The following ADAMTSL1 variants were observed in gnomAD, a reference collection of about 807,000 sequenced individuals.
ADAMTSL1 encodes ADAMTS-like protein 1.
In ADAMTSL1, 126 loss-of-function variants were observed where a neutral mutation model predicts 201.8. The observed-to-expected ratio is 0.62, with a 90% CI of 0.54 to 0.72. The LOEUF is 0.72. Among genes scored for constraint, ADAMTSL1 ranks in the 30% least tolerant of loss-of-function variants. ADAMTSL1 has a pLI of 0.00. For synonymous variants in ADAMTSL1, 1,121 were observed against 903.4 expected (o/e 1.24, Z -4.32); for missense variants, 2,679 against 2,277.8 (o/e 1.18, Z -3.59).
chr9:18,770,369 A>G (rs1306383142), intron 16 of ADAMTSL1, among the ~76,000 whole-genome samples: 2 of 152,214 alleles, frequency 1.3e-5, no homozygotes, highest in African/African-American at 4.8e-5. Flanking sequence ...GGCCCCAGAA[A>G]TTCCTGGATG....
At chr9:18,319,887 T>C (rs147005268) in intron 2 of ADAMTSL1, among the ~76,000 whole-genome samples, 1 of 152,182 alleles carries the variant, frequency 6.6e-6, no homozygotes, top group Admixed American at 6.5e-5. Flanking sequence ...GAGGTTATTC[T>C]AGATTATCCT....
At chr9:18,717,559 G>A (rs1384331389) in intron 14 of ADAMTSL1, among the ~76,000 whole-genome samples, 1 of 152,038 alleles carries the variant, frequency 6.6e-6, no homozygotes, top group East Asian at 1.9e-4. Flanking sequence ...GTCTACATAG[G>A]AGCTCTTTGG....
At chr9:18,427,471 A>T (rs147600650) in intron 2 of ADAMTSL1, among the ~76,000 whole-genome samples, 24 of 152,382 alleles carry the variant, frequency 1.6e-4, no homozygotes, top group African/African-American at 5.3e-4. Flanking sequence ...ATTATAAGTC[A>T]CCATAAACAG....
intron 20 of ADAMTSL1, among the ~76,000 whole-genome samples, chr9:18,809,093 T>A (rs943201704): frequency 6.6e-6 from 1 of 152,184 alleles, no homozygotes; most frequent in African/African-American, 2.4e-5. Context: ...TTATCAAAAT[T>A]ACATAATGAA....
intron 13 of ADAMTSL1, among the ~76,000 whole-genome samples, chr9:18,698,075 A>C (rs1352440361): frequency 1.3e-5 from 2 of 152,232 alleles, no homozygotes; most frequent in Non-Finnish European, 2.9e-5. Context: ...TAAAGCACTT[A>C]GAGTAGTGCC....
At chr9:17,918,935 C>T (rs761664111) in intron 1 of ADAMTSL1, among the ~76,000 whole-genome samples, 4 of 151,816 alleles carry the variant, frequency 2.6e-5, no homozygotes, top group African/African-American at 4.8e-5. Context: ...CCTTCTCTAT[C>T]CCTAGTAATG....
intron 2 of ADAMTSL1, among the ~76,000 whole-genome samples, chr9:18,288,824 A>C (rs1833130619): frequency 6.6e-6 from 1 of 152,232 alleles, no homozygotes; most frequent in African/African-American, 2.4e-5. Context: ...AGAAACAAAG[A>C]GTATGATCTA....
Position 18,599,986 on chromosome 9 carries a change from A to G in ADAMTSL1, c.475-22257A>G, listed in dbSNP as rs546754387. On this transcript the variant is annotated intron_variant, in intron 4 of 28. Transcript: ENST00000380548. ...GCTAACATGGTGAAACCTCGTCTCT[A>G]CTAAAAATACAAAAAAAAAAAAAAA... 9.5e-4 allele frequency among the ~76,000 whole-genome samples: 114 copies of G among 120,382 alleles called. 1 individual carries two copies. The highest frequency in any genetic ancestry group is 3.5e-3 in the African/African-American group (112 of 32,408). The allele number at this position is 120,382 out of a possible 152,430, so 79.0% of individuals were successfully genotyped here.
At chr9:17,958,509 A>G (rs1828014185) in intron 1 of ADAMTSL1, among the ~76,000 whole-genome samples, 1 of 152,194 alleles carries the variant, frequency 6.6e-6, no homozygotes, top group South Asian at 2.1e-4. Flanking sequence ...ATCCCAAGCC[A>G]AAATAACTTG....
intron 15 of ADAMTSL1, among the ~76,000 whole-genome samples, chr9:18,724,922 T>G (rs1215651101): frequency 6.6e-6 from 1 of 151,982 alleles, no homozygotes; most frequent in Non-Finnish European, 1.5e-5. Context: ...TTTTTTTTCT[T>G]TTGAGACAGA....
At chr9:18,063,089 G>A (rs1822532955) in intron 1 of ADAMTSL1, among the ~76,000 whole-genome samples, 1 of 152,178 alleles carries the variant, frequency 6.6e-6, no homozygotes, top group Admixed American at 6.5e-5. Context: ...GGTGAATTGG[G>A]AGGCTGAAAT....
At chr9:18,789,334 A>T (rs1821891280) in intron 19 of ADAMTSL1, among the ~76,000 whole-genome samples, 1 of 152,152 alleles carries the variant, frequency 6.6e-6, no homozygotes, top group Non-Finnish European at 1.5e-5. Flanking sequence ...TATCATTCTC[A>T]TTTTATAAAT....
chr9:17,908,626 T>C (rs558752761), intron 1 of ADAMTSL1, among the ~76,000 whole-genome samples: 2 of 152,152 alleles, frequency 1.3e-5, no homozygotes, highest in East Asian at 3.9e-4. Context: ...CTGGCTAATT[T>C]TTTGTATTTT....
At chr9:18,411,708 AT>A (rs1315445914) in intron 2 of ADAMTSL1, among the ~76,000 whole-genome samples, 1 of 152,064 alleles carries the variant, frequency 6.6e-6, no homozygotes, top group East Asian at 1.9e-4. Context: ...CATGACCCCC[AT>A]TTTTTTAGTG....
At chr9:18,403,409 C>G (rs1233874942) in intron 2 of ADAMTSL1, among the ~76,000 whole-genome samples, 1 of 152,094 alleles carries the variant, frequency 6.6e-6, no homozygotes, top group Non-Finnish European at 1.5e-5. Flanking sequence ...GTCTCGAACT[C>G]TTGACCTCAG....
At chr9:18,550,923 G>A (rs74979040) in intron 3 of ADAMTSL1, among the ~76,000 whole-genome samples, 1 of 151,804 alleles carries the variant, frequency 6.6e-6, no homozygotes, top group Non-Finnish European at 1.5e-5. Context: ...CACAAGATAA[G>A]TTTACATTTT....
At chr9:18,711,282 C>G (rs1346357363) in intron 14 of ADAMTSL1, among the ~76,000 whole-genome samples, 1 of 152,202 alleles carries the variant, frequency 6.6e-6, no homozygotes, top group African/African-American at 2.4e-5. Context: ...TCTACAGCTC[C>G]CAGCGTGAGC....
At chr9:18,209,130 G>A (rs1232132880) in intron 2 of ADAMTSL1, among the ~76,000 whole-genome samples, 1 of 152,052 alleles carries the variant, frequency 6.6e-6, no homozygotes, top group Non-Finnish European at 1.5e-5. Context: ...AATCTGCATT[G>A]TATAAATTTG....
intron 1 of ADAMTSL1, among the ~76,000 whole-genome samples, chr9:17,920,880 G>A (rs888235215): frequency 1.1e-4 from 17 of 152,194 alleles, no homozygotes; most frequent in African/African-American, 3.9e-4. Context: ...ACAAAACCAG[G>A]CAAGAGGGCG....
Sources: allele counts gnomAD v4.1 joint callset (sites outside exome capture counted in the v4.1 genomes callset), GRCh38; gene constraint gnomAD v4.1.1; transcripts MANE v1.5; gene names NCBI Gene and HGNC (gene_info 2026-07-23, HGNC 2026-07-21).